SYNDIG1: variants seen among roughly 807,000 people sequenced by gnomAD.
SYNDIG1 encodes synapse differentiation inducing 1.
Under a neutral mutation model 19.4 loss-of-function variants are expected in SYNDIG1, and 9 were observed. The ratio of observed to expected loss-of-function variants is 0.46; its 90% confidence interval spans 0.28 to 0.81. The LOEUF (loss-of-function observed/expected upper bound fraction) is 0.81, where lower values mean the gene tolerates loss of function less well. Among genes scored for constraint, SYNDIG1 ranks in the 30% least tolerant of loss-of-function variants. The probability of loss-of-function intolerance (pLI) is 0.12; values close to 1 mark genes in which losing one functional copy is unlikely to be tolerated. For missense variants in SYNDIG1, 311 were observed against 343.3 expected (o/e 0.91, Z 0.74); for synonymous variants, 141 against 145.9 (o/e 0.97, Z 0.24).
chr20:24,568,459 G>T (rs111841244), intron 2 of SYNDIG1, among the ~76,000 whole-genome samples: 50 of 152,248 alleles, frequency 3.3e-4, no homozygotes, highest in African/African-American at 1.2e-3. Context: ...CTCGGGAGGC[G>T]TCTGTCATCC....
intron 3 of SYNDIG1, among the ~76,000 whole-genome samples, chr20:24,647,452 G>A (rs760172223): frequency 6.6e-5 from 10 of 152,056 alleles, no homozygotes; most frequent in South Asian, 2.1e-4. Flanking sequence ...GGTATTATAC[G>A]AACATCCTCT....
At position 24,625,648 on chromosome 20, in the gene SYNDIG1, C is replaced by T. The variant is rs531524769; in HGVS notation, c.619-39698C>T. Among the ~76,000 whole-genome samples, 11 of 152,012 alleles carry T rather than the reference C, an allele frequency of 7.2e-5. No homozygotes were observed. The East Asian group carries it at 2.1e-3, about 29-fold the overall frequency. ...TAATCCATTTAACCCTGAGTGGACA[C>T]AGCACATGTTTCAGAGAGCACAGGG... On this transcript the variant is annotated intron_variant, in intron 3 of 3. Coordinates refer to ENST00000376862, the MANE Select transcript of SYNDIG1 (RefSeq NM_024893.3).
chr20:24,661,532 A>AGAGGGAGAGAAGAGGGAG (rs1568723393), intron 3 of SYNDIG1, among the ~76,000 whole-genome samples: 2 of 3,714 alleles, frequency 5.4e-4, no homozygotes, highest in Admixed American at 3.1e-3. Flanking sequence ...GGAGGAAAAA[A>AGAGGGAGAGAAGAGGGAG]GGAGGAAGGA....
intron 1 of SYNDIG1, among the ~76,000 whole-genome samples, chr20:24,471,460 C>T (rs944147954): frequency 6.6e-6 from 1 of 151,810 alleles, no homozygotes; most frequent in African/African-American, 2.4e-5. Context: ...AAGCGCGATC[C>T]CCTTAATTCC....
intron 3 of SYNDIG1, among the ~76,000 whole-genome samples, chr20:24,613,233 C>T (rs568413041): frequency 1.3e-5 from 2 of 152,294 alleles, no homozygotes; most frequent in African/African-American, 4.8e-5. Context: ...CAACTTACTC[C>T]CTGTCCCAGG....
chr20:24,471,111 G>C (rs1267177170), intron 1 of SYNDIG1, among the ~76,000 whole-genome samples: 1 of 152,138 alleles, frequency 6.6e-6, no homozygotes, highest in Non-Finnish European at 1.5e-5. Context: ...GAAGGAGGTG[G>C]TGTGTGTGCT....
intron 3 of SYNDIG1, among the ~76,000 whole-genome samples, chr20:24,645,556 T>G (rs993976361): frequency 7.3e-5 from 11 of 151,696 alleles, no homozygotes; most frequent in Non-Finnish European, 1.6e-4. Context: ...AAGAGGGAAG[T>G]GAGGGGGGAA....
chr20:24,627,542 G>A (rs570929278), intron 3 of SYNDIG1, among the ~76,000 whole-genome samples: 1 of 152,306 alleles, frequency 6.6e-6, no homozygotes, highest in South Asian at 2.1e-4. Context: ...TCCGATGTCC[G>A]TTGAACAAAA....
chr20:24,622,355 G>A (rs549314433), intron 3 of SYNDIG1, among the ~76,000 whole-genome samples: 10 of 152,304 alleles, frequency 6.6e-5, no homozygotes, highest in East Asian at 1.9e-4. Flanking sequence ...AACAGAGCAG[G>A]ACAGGAAATC....
intron 1 of SYNDIG1, among the ~76,000 whole-genome samples, chr20:24,519,102 AGCAC>A (rs1458366838): frequency 6.6e-6 from 1 of 152,228 alleles, no homozygotes; most frequent in Non-Finnish European, 1.5e-5. Context: ...CTCATCAGTC[AGCAC>A]GCTGATTAAC....
intron 1 of SYNDIG1, among the ~76,000 whole-genome samples, chr20:24,471,602 T>TAAA (rs11442019): frequency 0.024 from 3,191 of 132,888 alleles, 31 homozygotes; most frequent in Middle Eastern, 0.035. Context: ...AGGGCCTTGT[T>TAAA]AAAAAAAAAA....
chr20:24,645,845 C>A (rs917654399), intron 3 of SYNDIG1, among the ~76,000 whole-genome samples: 5 of 152,216 alleles, frequency 3.3e-5, no homozygotes, highest in African/African-American at 9.7e-5. Context: ...ATATTCAAAT[C>A]TTGGTTCTCT....
intron 3 of SYNDIG1, among the ~76,000 whole-genome samples, chr20:24,625,384 ATTTTTTTTTTTT>A (rs35759862): frequency 5.2e-4 from 60 of 115,268 alleles, no homozygotes; most frequent in African/African-American, 2.0e-3. Flanking sequence ...TGCCTGGGAC[ATTTTTTTTTTTT>A]TTTTTTTTTG....
intron 1 of SYNDIG1, among the ~76,000 whole-genome samples, chr20:24,478,600 C>T (rs1045634578): frequency 1.3e-5 from 2 of 152,220 alleles, no homozygotes; most frequent in Admixed American, 1.3e-4. Flanking sequence ...CAATGACAGA[C>T]CCCATGCACC....
intron 3 of SYNDIG1, among the ~76,000 whole-genome samples, chr20:24,637,203 A>G (rs771114209): frequency 2.6e-5 from 4 of 152,236 alleles, no homozygotes; most frequent in Non-Finnish European, 5.9e-5. Context: ...ATGGAACTAC[A>G]TGCAGCATAG....
chr20:24,658,721 C>T lies in SYNDIG1; in HGVS notation c.619-6625C>T, dbSNP rs747229806. On this transcript the variant is annotated intron_variant, in intron 3 of 3. Coordinates refer to ENST00000376862, the MANE Select transcript of SYNDIG1 (RefSeq NM_024893.3). This position sits in a 1 kb window ranked among gnomAD's most constrained non-coding sequence, Gnocchi z 4.4. The stretch of plus-strand genomic sequence containing the variant: ...GGGAAAGCCCACAAAGTGCACAGCC[C>T]GGCAACGCCCAGAGCTTCGTTTCAG... Among the ~76,000 whole-genome samples the T allele has an allele frequency of 1.3e-5, 2 of 151,892 alleles. No individual in the cohort carries two copies. The highest frequency in any genetic ancestry group is 2.9e-5 in the Non-Finnish European group (2 of 67,966).
chr20:24,640,675 G>T (rs1230748159), intron 3 of SYNDIG1, among the ~76,000 whole-genome samples: 2 of 152,136 alleles, frequency 1.3e-5, no homozygotes, highest in East Asian at 3.9e-4. Context: ...TTTCAGATGA[G>T]AACAATAGGA....
chr20:24,512,115 A>G (rs1252122411), intron 1 of SYNDIG1, among the ~76,000 whole-genome samples: 2 of 18,704 alleles, frequency 1.1e-4, no homozygotes, highest in African/African-American at 2.4e-4. Context: ...TAAAATATAT[A>G]TATATATATA....
chr20:24,513,150 G>T (rs2056786306), intron 1 of SYNDIG1, among the ~76,000 whole-genome samples: 1 of 152,070 alleles, frequency 6.6e-6, no homozygotes, highest in Non-Finnish European at 1.5e-5. Flanking sequence ...AAAGAACAAA[G>T]GTAGATAAAA....
Sources: gnomAD v4.1 joint callset for allele counts (sites outside exome capture counted in the v4.1 genomes callset) on GRCh38, gnomAD v4.1.1 for gene constraint, Gnocchi (gnomAD v3.1) non-coding constraint, MANE v1.5 for transcripts, NCBI Gene and HGNC (gene_info 2026-07-23, HGNC 2026-07-21) for gene names.